LRRC4C: variants seen among roughly 807,000 people sequenced by gnomAD.
LRRC4C encodes leucine rich repeat containing 4C.
A neutral mutation model predicts 33.6 loss-of-function variants in LRRC4C; 5 were observed. The ratio of observed to expected loss-of-function variants is 0.15; its 90% CI spans 0.08 to 0.31. The LOEUF (loss-of-function observed/expected upper bound fraction) is 0.31. Ranked by LOEUF, LRRC4C falls within the 10% of genes least tolerant of loss-of-function variation. The probability of loss-of-function intolerance (pLI) is 1.00; values close to 1 mark genes in which losing one functional copy is unlikely to be tolerated. For missense variants in LRRC4C, 560 were observed against 796.7 expected, an observed-to-expected ratio of 0.70 and a Z score of 3.58; for synonymous variants, 329 against 302.0, an observed-to-expected ratio of 1.09 and a Z score of -0.93.
intron 1 of LRRC4C, among the ~76,000 whole-genome samples, chr11:41,392,482 G>T (rs1953638826): frequency 6.6e-6 from 1 of 151,052 alleles, no homozygotes; most frequent in Admixed American, 6.6e-5. Flanking sequence ...GCCTTCTTTG[G>T]TACTTACCGA....
intron 2 of LRRC4C, among the ~76,000 whole-genome samples, chr11:40,737,666 A>T (rs1367534607): frequency 1.3e-5 from 2 of 152,176 alleles, no homozygotes; most frequent in Admixed American, 1.3e-4. Context: ...CTTACAAGGG[A>T]TGTGAAGGAC....
chr11:40,417,506 T>A (rs1278837597), intron 3 of LRRC4C, among the ~76,000 whole-genome samples: 1 of 148,248 alleles, frequency 6.7e-6, no homozygotes, highest in Non-Finnish European at 1.5e-5. Context: ...TAATTTTTTA[T>A]TTTTTTTTTG....
chr11:40,255,319 C>T (rs1465278358), intron 4 of LRRC4C, among the ~76,000 whole-genome samples: 1 of 152,052 alleles, frequency 6.6e-6, no homozygotes, highest in Non-Finnish European at 1.5e-5. Flanking sequence ...ACAACAAAAG[C>T]AAAAACACTG....
Position 40,114,679 on chromosome 11 carries a change from G to C in LRRC4C, c.1614C>G (p.Leu538=), listed in dbSNP as rs764181859. ...AAATGACCAGCATCACTGCAGCCATGAGTGTGATGGCCACAAAACACCCAA... is the reference window on the plus strand; with the variant it reads ...AAATGACCAGCATCACTGCAGCCATCAGTGTGATGGCCACAAAACACCCAA... ...IIIGCFVAIT[L]MAAVMLVIFY... is the part of the protein sequence containing the mutation. The change falls in exon 7 of 7, where the codon CTC becomes CTG. Residue 538 remains leucine (L), a synonymous_variant. Transcript: ENST00000528697. 1 of 1,614,152 alleles carries C rather than the reference G, an allele frequency of 6.2e-7. No individual in the cohort carries two copies. Among genetic ancestry groups the C allele is most frequent in the Admixed American group, 1.7e-5 (1 of 60,024 alleles).
chr11:40,656,208 G>A (rs573339202), intron 2 of LRRC4C, among the ~76,000 whole-genome samples: 5 of 148,074 alleles, frequency 3.4e-5, no homozygotes, highest in East Asian at 2.0e-4. Context: ...AGCAGATTCC[G>A]TACTGTTTTT....
intron 3 of LRRC4C, among the ~76,000 whole-genome samples, chr11:40,375,388 A>C (rs1473360573): frequency 6.6e-6 from 1 of 152,198 alleles, no homozygotes. Context: ...AGGAATGATG[A>C]CAAAGTACAA....
intron 1 of LRRC4C, among the ~76,000 whole-genome samples, chr11:41,163,814 G>C (rs1345371253): frequency 6.6e-6 from 1 of 151,972 alleles, no homozygotes; most frequent in Non-Finnish European, 1.5e-5. Context: ...GTTTCACCAT[G>C]TTGGCCAGGC....
rs115092922 is a variant in LRRC4C at position 41,032,751 on chromosome 11, T to C, written c.-495-99028A>G. ...GAAAAAAAACACAAGCAGTAATACA[T>C]TGCAATAAATTTTCACATCTGGGTT... On this transcript the variant is annotated intron_variant, in intron 1 of 6. Coordinates refer to ENST00000528697, the MANE Select transcript of LRRC4C (RefSeq NM_001258419.2). Among the ~76,000 whole-genome samples the C allele has an allele frequency of 7.4e-3, 1,118 of 152,104 alleles. 17 individuals carry two copies. Among genetic ancestry groups the C allele is most frequent in the African/African-American group, 0.026 (1,069 of 41,516 alleles).
chr11:40,835,563 T>C (rs1591838084), intron 2 of LRRC4C, among the ~76,000 whole-genome samples: 3 of 152,328 alleles, frequency 2.0e-5, no homozygotes, highest in Middle Eastern at 6.8e-3. Flanking sequence ...AATCTGATTT[T>C]ATACATCTAT....
intron 2 of LRRC4C, among the ~76,000 whole-genome samples, chr11:40,772,312 G>A (rs1386343902): frequency 6.6e-6 from 1 of 152,150 alleles, no homozygotes; most frequent in African/African-American, 2.4e-5. Flanking sequence ...CATGAGAAGA[G>A]CATGGGAGAA....
chr11:40,827,746 GTGTACA>G (rs1328436840), intron 2 of LRRC4C, among the ~76,000 whole-genome samples: 1 of 151,754 alleles, frequency 6.6e-6, no homozygotes, highest in Non-Finnish European at 1.5e-5. Flanking sequence ...GGGTGCATGT[GTGTACA>G]TGTAGCTAAA....
chr11:40,648,974 G>C (rs1942628707), intron 2 of LRRC4C, among the ~76,000 whole-genome samples: 1 of 152,124 alleles, frequency 6.6e-6, no homozygotes, highest in African/African-American at 2.4e-5. Flanking sequence ...AAAAGGGGAG[G>C]GGTGTACAAA....
intron 3 of LRRC4C, among the ~76,000 whole-genome samples, chr11:40,407,454 G>A (rs1032514053): frequency 1.3e-5 from 2 of 152,060 alleles, no homozygotes; most frequent in African/African-American, 2.4e-5. Context: ...CTTCAGGGAG[G>A]TGATGTTTCA....
At chr11:40,474,867 G>A (rs561912862) in intron 3 of LRRC4C, among the ~76,000 whole-genome samples, 11 of 148,938 alleles carry the variant, frequency 7.4e-5, no homozygotes, top group South Asian at 4.3e-4. Context: ...AATGCAAATC[G>A]TCATTAGATA....
intron 3 of LRRC4C, among the ~76,000 whole-genome samples, chr11:40,439,727 C>A (rs1468652994): frequency 2.6e-5 from 4 of 152,014 alleles, no homozygotes; most frequent in African/African-American, 9.7e-5. Flanking sequence ...GCTGGGATTA[C>A]AGGCATGAGC....
chr11:40,212,696 G>A (rs572712529), intron 5 of LRRC4C, among the ~76,000 whole-genome samples: 10 of 152,278 alleles, frequency 6.6e-5, no homozygotes, highest in African/African-American at 1.9e-4. Context: ...GCAGACACAT[G>A]AGGGGCGTAC....
At chr11:41,162,403 T>C (rs1237837430) in intron 1 of LRRC4C, among the ~76,000 whole-genome samples, 1 of 152,192 alleles carries the variant, frequency 6.6e-6, no homozygotes, top group Non-Finnish European at 1.5e-5. Flanking sequence ...TGCTCAGTGA[T>C]ACCCATAATT....
intron 3 of LRRC4C, among the ~76,000 whole-genome samples, chr11:40,590,604 T>A (rs1331720155): frequency 2.9e-4 from 44 of 152,046 alleles, no homozygotes; most frequent in Non-Finnish European, 1.3e-4. Context: ...CCCATCTTTG[T>A]GGTTTTATCT....
At chr11:41,441,423 A>G (rs1955614502) in intron 1 of LRRC4C, among the ~76,000 whole-genome samples, 1 of 151,976 alleles carries the variant, frequency 6.6e-6, no homozygotes, top group Non-Finnish European at 1.5e-5. Flanking sequence ...CCAGGATCCC[A>G]TGCCATGGTT....
Sources: gnomAD v4.1 joint callset for allele counts (sites outside exome capture counted in the v4.1 genomes callset) on GRCh38, gnomAD v4.1.1 for gene constraint, MANE v1.5 for transcripts, NCBI Gene and HGNC (gene_info 2026-07-23, HGNC 2026-07-21) for gene names.